The following DOCK1 variants were observed in gnomAD, a reference collection of about 807,000 sequenced individuals.
DOCK1 encodes the protein dedicator of cytokinesis 1.
DOCK1 carries 138 observed loss-of-function variants against 262.7 expected under a neutral mutation model. The ratio of observed to expected loss-of-function variants is 0.53; its 90% CI spans 0.46 to 0.61. The LOEUF (loss-of-function observed/expected upper bound fraction) is 0.61. Among genes scored for constraint, DOCK1 ranks in the 20% least tolerant of loss-of-function variants. The pLI is 0.00. For missense variants in DOCK1, 1,908 were observed against 2,370.7 expected (o/e 0.80, Z 4.05); for synonymous variants, 866 against 867.4 (o/e 1.00, Z 0.03).
At chr10:126,946,527 C>G (rs957286749) in intron 1 of DOCK1, among the ~76,000 whole-genome samples, 1 of 152,160 alleles carries the variant, frequency 6.6e-6, no homozygotes, top group Non-Finnish European at 1.5e-5. Context: ...GTCTGGGCAA[C>G]AGAGCGAGAC....
At chr10:127,404,636 G>T (rs80143711) in intron 40 of DOCK1, among the ~76,000 whole-genome samples, 1 of 152,076 alleles carries the variant, frequency 6.6e-6, no homozygotes, top group African/African-American at 2.4e-5. Context: ...TGATTTTTCC[G>T]TAAAAGGACC....
intron 10 of DOCK1, among the ~76,000 whole-genome samples, chr10:127,001,779 CATTTGT>C (rs2040612357): frequency 6.6e-6 from 1 of 152,080 alleles, no homozygotes; most frequent in South Asian, 2.1e-4. Context: ...ATGATTTTAC[CATTTGT>C]GAGTGAAAAT....
At chr10:126,947,612 ATGG>A (rs2035600983) in intron 1 of DOCK1, among the ~76,000 whole-genome samples, 1 of 6,260 alleles carries the variant, frequency 1.6e-4, no homozygotes, top group African/African-American at 6.3e-4. Context: ...ACTGTTGGTG[ATGG>A]TGGTGGTTGG....
chr10:127,306,679 G>A (rs1354521502), intron 29 of DOCK1, among the ~76,000 whole-genome samples: 1 of 152,134 alleles, frequency 6.6e-6, no homozygotes, highest in African/African-American at 2.4e-5. Context: ...ATTTATCAGG[G>A]AAATACGTTC....
intron 48 of DOCK1, among the ~76,000 whole-genome samples, chr10:127,433,990 AC>A (rs1378997375): frequency 6.6e-6 from 1 of 151,888 alleles, no homozygotes; most frequent in Non-Finnish European, 1.5e-5. Flanking sequence ...CTGGCCAAGC[AC>A]TTTGTACTTT....
intron 24 of DOCK1, among the ~76,000 whole-genome samples, chr10:127,108,530 G>A (rs1234883082): frequency 6.6e-6 from 1 of 152,124 alleles, no homozygotes; most frequent in Non-Finnish European, 1.5e-5. Context: ...AAATTGCAGT[G>A]AGCCTGGATC....
At chr10:127,036,362 A>T (rs1434185418) in intron 18 of DOCK1, among the ~76,000 whole-genome samples, 1 of 151,798 alleles carries the variant, frequency 6.6e-6, no homozygotes, top group Non-Finnish European at 1.5e-5. Context: ...TTTGGAGCTT[A>T]TTGCCTGCAT....
At position 127,222,507 on chromosome 10, in the gene DOCK1, A is replaced by C. The variant is rs190676416; in HGVS notation, c.2848-25501A>C. ...AAAACGGTTGAATCAGAGTATATCA[A>C]ATTGTCATGTTAACGTGGTAACATC... On this transcript the variant is annotated intron_variant, in intron 27 of 51. Transcript: ENST00000623213. 5.9e-5 allele frequency among the ~76,000 whole-genome samples: 9 copies of C among 152,326 alleles called. No individual in the cohort carries two copies. The South Asian group carries it at 8.3e-4, about 14-fold the overall frequency.
chr10:127,221,021 G>A (rs973180093), intron 27 of DOCK1, among the ~76,000 whole-genome samples: 1 of 152,080 alleles, frequency 6.6e-6, no homozygotes, highest in Admixed American at 6.5e-5. Context: ...TAAGAGTCAC[G>A]GTATTTGTTT....
chr10:126,915,689 G>C (rs1488438864), intron 1 of DOCK1, among the ~76,000 whole-genome samples: 1 of 152,180 alleles, frequency 6.6e-6, no homozygotes, highest in African/African-American at 2.4e-5. Flanking sequence ...CTGACCTCGT[G>C]ATCTGCCCAC....
chr10:127,323,390 G>T (rs1056393390), intron 29 of DOCK1, among the ~76,000 whole-genome samples: 4 of 152,168 alleles, frequency 2.6e-5, no homozygotes, highest in African/African-American at 4.8e-5. Flanking sequence ...TATATTTTTG[G>T]TGGCTGAGCA....
At position 127,024,966 on chromosome 10, in the gene DOCK1, C is replaced by T. The variant is rs192456650; in HGVS notation, c.1551+183C>T. 1.3e-3 allele frequency: 636 copies of T among 499,198 alleles called. 2 individuals carry two copies. Among genetic ancestry groups the T allele is most frequent in the Middle Eastern group, 7.5e-3 (14 of 1,862 alleles). The allele number at this position is 499,198 out of a possible 1,614,324, so 30.9% of individuals were successfully genotyped here. A position where few individuals can be genotyped will look rare whatever the true frequency, so the allele number is the denominator to read the frequency against. On this transcript the variant is annotated intron_variant, in intron 15 of 51. Transcript: ENST00000623213. ...TGGTGTTTCTTAGAATACATTTACT[C>T]TCATCTCCTTTTGGACGTAAAAATA... is the stretch of plus-strand genomic sequence containing the variant.
At chr10:127,289,402 G>A (rs1053531054) in intron 29 of DOCK1, among the ~76,000 whole-genome samples, 2 of 152,104 alleles carry the variant, frequency 1.3e-5, no homozygotes, top group African/African-American at 2.4e-5. Flanking sequence ...TACTGTTATA[G>A]ATGGTGCTTC....
Position 127,415,186 on chromosome 10 carries a change from C to T in DOCK1, c.4463C>T (p.Ala1488Val). ...MWIERTIYTT[A>V]YKLPGILRWF... ...ATCGAGAGAACCATATATACAACTG[C>T]ATATAAATTACCTGGAATTTTAAGG... Residue 1488 changes from alanine (A) to valine (V), a missense_variant, in exon 44 of 52, where the codon GCA (alanine) becomes GTA (valine). Physicochemically the swap from Ala to Val is moderately conservative, Grantham distance 64. Transcript: ENST00000623213. The T allele has an allele frequency of 1.2e-6, 2 of 1,613,880 alleles. No homozygotes were observed. Among genetic ancestry groups the T allele is most frequent in the South Asian group, 2.2e-5 (2 of 91,000 alleles).
intron 1 of DOCK1, among the ~76,000 whole-genome samples, chr10:126,954,355 C>T (rs1467481603): frequency 6.6e-6 from 1 of 152,248 alleles, no homozygotes; most frequent in Non-Finnish European, 1.5e-5. Context: ...GGACCCTCCA[C>T]AACCTCAGAA....
chr10:127,005,170 C>G (rs1361454708), intron 10 of DOCK1, among the ~76,000 whole-genome samples: 1 of 151,952 alleles, frequency 6.6e-6, no homozygotes, highest in East Asian at 1.9e-4. Context: ...AACCCCATCC[C>G]TACCCAAAAA....
At chr10:127,251,881 C>A (rs916243983) in intron 28 of DOCK1, among the ~76,000 whole-genome samples, 1 of 150,580 alleles carries the variant, frequency 6.6e-6, no homozygotes, top group Non-Finnish European at 1.5e-5. Context: ...ATTTATAGTC[C>A]TTTGGGTATA....
chr10:126,934,742 T>G (rs2134204579), intron 1 of DOCK1, among the ~76,000 whole-genome samples: 1 of 146,846 alleles, frequency 6.8e-6, no homozygotes, highest in South Asian at 2.1e-4. Context: ...ATTTGGAATT[T>G]ACGAGTTTTT....
chr10:127,079,080 G>A (rs1398841441), intron 23 of DOCK1, among the ~76,000 whole-genome samples: 1 of 152,142 alleles, frequency 6.6e-6, no homozygotes, highest in African/African-American at 2.4e-5. Context: ...CAAATCTGAA[G>A]TATGCAGCTT....
Sources: allele counts gnomAD v4.1 joint callset (sites outside exome capture counted in the v4.1 genomes callset), GRCh38; gene constraint gnomAD v4.1.1; transcripts MANE v1.5; gene names NCBI Gene and HGNC (gene_info 2026-07-23, HGNC 2026-07-21).